The following C1QTNF3 variants were observed in gnomAD, a reference collection of about 807,000 sequenced individuals.
C1QTNF3 encodes the protein complement C1q tumor necrosis factor-related protein 3.
C1QTNF3 carries 26 observed loss-of-function variants against 32.6 expected under a neutral mutation model. That is an observed-to-expected ratio of 0.80 (90% CI 0.58 to 1.11). The LOEUF (loss-of-function observed/expected upper bound fraction) is 1.11, where lower values mean the gene tolerates loss of function less well. Among genes scored for constraint, C1QTNF3 ranks in the 50% least tolerant of loss-of-function variants. The probability of loss-of-function intolerance (pLI) is 0.00; values close to 1 mark genes in which losing one functional copy is unlikely to be tolerated. For synonymous variants in C1QTNF3, 155 were observed against 146.0 expected (o/e 1.06, Z -0.44); for missense variants, 362 against 398.2 (o/e 0.91, Z 0.77).
the C1QTNF3 span, among the ~76,000 whole-genome samples, chr5:34,231,416 T>C: frequency 6.6e-6 from 1 of 152,226 alleles, no homozygotes; most frequent in Non-Finnish European, 1.5e-5. Context: ...TGAATGTACA[T>C]TCTAGAGAAA....
chr5:34,052,049 A>AGCAAC, the C1QTNF3 span, among the ~76,000 whole-genome samples: 1 of 152,130 alleles, frequency 6.6e-6, no homozygotes, highest in East Asian at 1.9e-4. Flanking sequence ...GAGGCAGGAG[A>AGCAAC]GTTGCTCGAA....
the C1QTNF3 span, among the ~76,000 whole-genome samples, chr5:34,212,292 C>T: frequency 3.9e-5 from 6 of 152,014 alleles, no homozygotes; most frequent in Admixed American, 3.9e-4. Context: ...ACCTAAAACC[C>T]TAAAAACCCT....
the C1QTNF3 span, among the ~76,000 whole-genome samples, chr5:34,069,123 A>AT: frequency 1.4e-5 from 2 of 145,226 alleles, no homozygotes; most frequent in Non-Finnish European, 1.5e-5. Context: ...GCCAAGCTCC[A>AT]TAACTGCCTA....
At chr5:34,211,874 G>A in the C1QTNF3 span, among the ~76,000 whole-genome samples, 1 of 152,050 alleles carries the variant, frequency 6.6e-6, no homozygotes. Flanking sequence ...AGCTACCAAT[G>A]ACTTTCTTCA....
chr5:34,234,651 T>C, the C1QTNF3 span, among the ~76,000 whole-genome samples: 1 of 152,154 alleles, frequency 6.6e-6, no homozygotes, highest in African/African-American at 2.4e-5. Flanking sequence ...GAAGTCTGCA[T>C]AGCACTGACA....
At chr5:34,215,739 C>T in the C1QTNF3 span, among the ~76,000 whole-genome samples, 4 of 152,006 alleles carry the variant, frequency 2.6e-5, no homozygotes, top group African/African-American at 9.7e-5. Context: ...CTCAAGTGAC[C>T]CTCCCACTTC....
chr5:34,115,006 A>T, the C1QTNF3 span, among the ~76,000 whole-genome samples: 2 of 152,128 alleles, frequency 1.3e-5, no homozygotes, highest in Non-Finnish European at 1.5e-5. Context: ...TTATTCAATA[A>T]TGTTCTCCTA....
At chr5:34,177,750 G>C in the C1QTNF3 span, among the ~76,000 whole-genome samples, 2 of 151,434 alleles carry the variant, frequency 1.3e-5, no homozygotes, top group Non-Finnish European at 2.9e-5. Flanking sequence ...GCCTCCCAAA[G>C]TGCTGGGATT....
At chr5:34,148,222 C>T in the C1QTNF3 span, among the ~76,000 whole-genome samples, 1 of 146,900 alleles carries the variant, frequency 6.8e-6, no homozygotes, top group East Asian at 2.1e-4. Context: ...CGGAATCTCG[C>T]TGATTGCTAG....
chr5:34,035,309 A>C (rs752500468), intron 2 of C1QTNF3, among the ~76,000 whole-genome samples: 1 of 152,210 alleles, frequency 6.6e-6, no homozygotes, highest in Non-Finnish European at 1.5e-5. Context: ...CTGGAGGAAG[A>C]AGCACTTAGC....
chr5:34,084,687 T>C, the C1QTNF3 span, among the ~76,000 whole-genome samples: 2 of 150,198 alleles, frequency 1.3e-5, no homozygotes. Context: ...TTTTTTCTTG[T>C]AAAATTGCTT....
chr5:34,071,844 T>C, the C1QTNF3 span, among the ~76,000 whole-genome samples: 1 of 152,198 alleles, frequency 6.6e-6, no homozygotes, highest in Non-Finnish European at 1.5e-5. Context: ...GGAATAGAAC[T>C]GTTCCAAGCT....
chr5:34,079,285 T>A, the C1QTNF3 span, among the ~76,000 whole-genome samples: 2 of 151,534 alleles, frequency 1.3e-5, no homozygotes, highest in Non-Finnish European at 2.9e-5. Context: ...CAGAAAACAG[T>A]CCTCACCTAC....
the C1QTNF3 span, among the ~76,000 whole-genome samples, chr5:34,094,187 T>C: frequency 1.3e-5 from 2 of 152,182 alleles, no homozygotes; most frequent in Non-Finnish European, 2.9e-5. Flanking sequence ...ATAAACTCTA[T>C]CTTTTAACAT....
At chr5:34,156,953 G>A in the C1QTNF3 span, among the ~76,000 whole-genome samples, 97,411 of 151,982 alleles carry the variant, frequency 0.64, 31,478 homozygotes, top group African/African-American at 0.66. Context: ...AAGTGGTAAT[G>A]GTGAAATTAT....
At chr5:34,050,858 T>G in the C1QTNF3 span, among the ~76,000 whole-genome samples, 1 of 152,200 alleles carries the variant, frequency 6.6e-6, no homozygotes, top group African/African-American at 2.4e-5. Flanking sequence ...CTCAGCTTCC[T>G]TGGACTTTGG....
the C1QTNF3 span, among the ~76,000 whole-genome samples, chr5:34,108,536 C>T: frequency 3.3e-5 from 5 of 152,080 alleles, no homozygotes; most frequent in South Asian, 2.1e-4. Flanking sequence ...TAAAAGTACA[C>T]GGACAACAGA....
At chr5:34,120,724 T>C in the C1QTNF3 span, among the ~76,000 whole-genome samples, 6 of 152,218 alleles carry the variant, frequency 3.9e-5, no homozygotes, top group African/African-American at 1.4e-4. Context: ...ATGTGAGACA[T>C]GCCTTTCACC....
intron 1 of C1QTNF3, among the ~76,000 whole-genome samples, chr5:34,041,478 G>A (rs1477605820): frequency 1.3e-5 from 2 of 152,116 alleles, no homozygotes; most frequent in African/African-American, 4.8e-5. Flanking sequence ...GGCCAAGAAG[G>A]ATACCATGTG....
Sources: allele counts gnomAD v4.1 joint callset (sites outside exome capture counted in the v4.1 genomes callset), GRCh38; gene constraint gnomAD v4.1.1; transcripts MANE v1.5; gene names NCBI Gene and HGNC (gene_info 2026-07-23, HGNC 2026-07-21).